GALNT13: variants seen among roughly 807,000 people sequenced by gnomAD.
The protein encoded by GALNT13 is UDP-GalNAc:polypeptide N-acetylgalactosaminyltransferase 13.
A neutral mutation model predicts 64.2 loss-of-function variants in GALNT13; 28 were observed. The ratio of observed to expected loss-of-function variants is 0.44; its 90% CI spans 0.32 to 0.60. The LOEUF (loss-of-function observed/expected upper bound fraction) is 0.60. GALNT13 is among the 20% of genes least tolerant of loss of function. The pLI, the probability that GALNT13 is intolerant of heterozygous loss-of-function variation, is 0.05. For synonymous variants in GALNT13, 214 were observed against 224.6 expected (o/e 0.95, Z 0.42); for missense variants, 577 against 669.8 (o/e 0.86, Z 1.53).
the GALNT13 span, among the ~76,000 whole-genome samples, chr2:153,819,515 G>A: frequency 6.6e-6 from 1 of 152,156 alleles, no homozygotes; most frequent in Non-Finnish European, 1.5e-5. Context: ...GCTGGTACCT[G>A]CACTTGCCAT....
At chr2:153,297,622 G>T in the GALNT13 span, among the ~76,000 whole-genome samples, 1 of 152,168 alleles carries the variant, frequency 6.6e-6, no homozygotes, top group Non-Finnish European at 1.5e-5. Flanking sequence ...TAACTTTATT[G>T]TAATGTACAA....
chr2:154,172,470 G>T (rs918976998), intron 4 of GALNT13, among the ~76,000 whole-genome samples: 1 of 151,606 alleles, frequency 6.6e-6, no homozygotes, highest in East Asian at 1.9e-4. Context: ...CTGGCCTCTG[G>T]TAACCACCAA....
the GALNT13 span, among the ~76,000 whole-genome samples, chr2:153,294,162 G>A: frequency 6.6e-6 from 1 of 152,022 alleles, no homozygotes; most frequent in African/African-American, 2.4e-5. Flanking sequence ...ACTTACTAAT[G>A]TTAAAATTCT....
At chr2:153,722,372 A>G in the GALNT13 span, among the ~76,000 whole-genome samples, 1 of 139,356 alleles carries the variant, frequency 7.2e-6, no homozygotes, top group Non-Finnish European at 1.5e-5. Context: ...TCCAAAATTG[A>G]CACCCTAACA....
intron 8 of GALNT13, among the ~76,000 whole-genome samples, chr2:154,261,801 A>G (rs1473246018): frequency 3.3e-5 from 5 of 152,150 alleles, no homozygotes; most frequent in Non-Finnish European, 5.9e-5. Flanking sequence ...TCATGTGAGT[A>G]TAGGTGAACA....
intron 3 of GALNT13, among the ~76,000 whole-genome samples, chr2:154,106,501 A>G (rs1466334624): frequency 2.6e-5 from 4 of 151,960 alleles, no homozygotes; most frequent in South Asian, 2.1e-4. Context: ...TTACATGAGT[A>G]TATTTGGGGT....
the GALNT13 span, among the ~76,000 whole-genome samples, chr2:153,221,832 C>T: frequency 6.6e-6 from 1 of 152,230 alleles, no homozygotes; most frequent in Admixed American, 6.5e-5. Context: ...CAAGCGGCTT[C>T]TGCTGTGGGC....
intron 7 of GALNT13, among the ~76,000 whole-genome samples, chr2:154,255,053 G>T (rs184972826): frequency 6.6e-6 from 1 of 152,078 alleles, no homozygotes; most frequent in South Asian, 2.1e-4. Flanking sequence ...TGACAGCAAG[G>T]AAAAAGGAGG....
chr2:153,955,113 G>C (rs1012250119), intron 3 of GALNT13, among the ~76,000 whole-genome samples: 1 of 152,086 alleles, frequency 6.6e-6, no homozygotes, highest in African/African-American at 2.4e-5. Flanking sequence ...GATTAATTTA[G>C]ATTGCAGTTT....
the GALNT13 span, among the ~76,000 whole-genome samples, chr2:153,606,726 A>G: frequency 4.6e-5 from 7 of 152,036 alleles, no homozygotes; most frequent in African/African-American, 1.7e-4. Context: ...CATATGGCCC[A>G]GAGTGAAGCC....
At chr2:154,070,478 G>A (rs1324216386) in intron 3 of GALNT13, among the ~76,000 whole-genome samples, 2 of 152,074 alleles carry the variant, frequency 1.3e-5, no homozygotes, top group African/African-American at 2.4e-5. Flanking sequence ...ATATTATGGA[G>A]CTGGTGTCTT....
the GALNT13 span, among the ~76,000 whole-genome samples, chr2:153,855,757 C>T: frequency 6.6e-6 from 1 of 152,140 alleles, no homozygotes. Flanking sequence ...AAAATGAAGA[C>T]ATACATCCAC....
chr2:154,058,663 G>A (rs1074976), intron 3 of GALNT13, among the ~76,000 whole-genome samples: 114,906 of 152,088 alleles, frequency 0.76, 43,791 homozygotes, highest in East Asian at 0.96. Flanking sequence ...CCTGGCCCTA[G>A]GGTGGCATCA....
the GALNT13 span, among the ~76,000 whole-genome samples, chr2:153,101,226 T>C: frequency 6.6e-6 from 1 of 152,148 alleles, no homozygotes. Flanking sequence ...TGGTGAATTA[T>C]TTTAGTGAGC....
the GALNT13 span, among the ~76,000 whole-genome samples, chr2:153,800,527 T>C: frequency 1.3e-5 from 2 of 152,212 alleles, no homozygotes; most frequent in Non-Finnish European, 2.9e-5. Flanking sequence ...TGCTGTTTGA[T>C]AGCATTTTGC....
At chr2:153,436,894 T>G in the GALNT13 span, among the ~76,000 whole-genome samples, 1 of 152,214 alleles carries the variant, frequency 6.6e-6, no homozygotes, top group East Asian at 1.9e-4. Context: ...CTCTTGCTTC[T>G]GTAGTTCTTT....
chr2:154,284,660 G>T (rs1032950606), intron 8 of GALNT13, among the ~76,000 whole-genome samples: 1 of 152,016 alleles, frequency 6.6e-6, no homozygotes, highest in Non-Finnish European at 1.5e-5. Context: ...ACATGAGAAT[G>T]CAGATATCTC....
At chr2:153,803,320 A>G in the GALNT13 span, among the ~76,000 whole-genome samples, 1 of 152,224 alleles carries the variant, frequency 6.6e-6, no homozygotes, top group African/African-American at 2.4e-5. Flanking sequence ...ATTTGAAGAT[A>G]GAGTTTTTAG....
chr2:153,978,454 T>C (rs1227657756), intron 3 of GALNT13, among the ~76,000 whole-genome samples: 3 of 152,178 alleles, frequency 2.0e-5, no homozygotes, highest in Admixed American at 6.5e-5. Flanking sequence ...TTGAATTGTA[T>C]CTCCTTGAAT....
Sources: allele counts gnomAD v4.1 joint callset (sites outside exome capture counted in the v4.1 genomes callset), GRCh38; gene constraint gnomAD v4.1.1; transcripts MANE v1.5; gene names NCBI Gene and HGNC (gene_info 2026-07-23, HGNC 2026-07-21).